The following JPH3 variants were observed in gnomAD, a reference collection of about 807,000 sequenced individuals.
JPH3 encodes junctophilin 3, also known as junctophilin-3.
JPH3 carries 11 observed loss-of-function variants against 59.6 expected under a neutral mutation model. The observed-to-expected ratio is 0.18, with a 90% CI of 0.12 to 0.31. JPH3 has a LOEUF of 0.31. Ranked by LOEUF, JPH3 falls within the 10% of genes least tolerant of loss-of-function variation. JPH3 has a pLI of 1.00. For missense variants in JPH3, 1,202 were observed against 1,105.7 expected (o/e 1.09, Z -1.24); for synonymous variants, 673 against 483.6 (o/e 1.39, Z -5.14).
At chr16:87,646,556 T>G (rs2032158110) in intron 2 of JPH3, among the ~76,000 whole-genome samples, 1 of 152,244 alleles carries the variant, frequency 6.6e-6, no homozygotes, top group Non-Finnish European at 1.5e-5. Flanking sequence ...TAAATAACAC[T>G]GAGAAGGGAG....
At chr16:87,638,309 C>G (rs375902864) in intron 1 of JPH3, among the ~76,000 whole-genome samples, 6 of 152,146 alleles carry the variant, frequency 3.9e-5, no homozygotes, top group African/African-American at 1.2e-4. Flanking sequence ...ATTCTCCTGT[C>G]TCAGCTGTGT....
At chr16:87,607,899 C>T (rs540853167) in intron 1 of JPH3, among the ~76,000 whole-genome samples, 47 of 152,316 alleles carry the variant, frequency 3.1e-4, no homozygotes, top group African/African-American at 1.0e-3. Context: ...TCCGCTACTT[C>T]GGGGGGCGGG....
At chr16:87,652,280 G>C (rs1262315059) in intron 2 of JPH3, among the ~76,000 whole-genome samples, 1 of 152,186 alleles carries the variant, frequency 6.6e-6, no homozygotes, top group African/African-American at 2.4e-5. Flanking sequence ...CAGCCTGTTA[G>C]AAGTTGCCGC....
chr16:87,660,904 A>C (rs947078082), intron 2 of JPH3, among the ~76,000 whole-genome samples: 1 of 152,206 alleles, frequency 6.6e-6, no homozygotes, highest in Non-Finnish European at 1.5e-5. Context: ...CAGTTTTCTC[A>C]TCTGTCCAGT....
Position 87,603,467 on chromosome 16 carries a change from C to T in JPH3, c.321C>T (p.Tyr107=). The change falls in exon 1 of 5, where the codon TAC becomes TAT. Residue 107 remains tyrosine, a synonymous_variant. Transcript: ENST00000284262. ...AGTGCGCGGGCAACGGGGCCAAATA[C>T]GAAGGGACCTGGAGCAACGGGCTGC... ...VRECAGNGAK[Y]EGTWSNGLQD... is the part of the protein sequence containing the mutation. 1 of 1,559,936 alleles carries T rather than the reference C, an allele frequency of 6.4e-7. No homozygotes were observed. Among genetic ancestry groups the T allele is most frequent in the Non-Finnish European group, 8.7e-7 (1 of 1,152,694 alleles).
intron 2 of JPH3, among the ~76,000 whole-genome samples, chr16:87,677,661 G>A (rs183227309): frequency 3.3e-5 from 5 of 152,166 alleles, no homozygotes; most frequent in African/African-American, 1.2e-4. Context: ...GCCAGCTGAC[G>A]GTGCTGTCCA....
chr16:87,673,895 C>T (rs928856774), intron 2 of JPH3, among the ~76,000 whole-genome samples: 1 of 151,496 alleles, frequency 6.6e-6, no homozygotes, highest in Non-Finnish European at 1.5e-5. Context: ...CACTGTACTC[C>T]AGTCTGGGTG....
chr16:87,681,002 T>G (rs2033274951), intron 2 of JPH3, among the ~76,000 whole-genome samples: 1 of 152,178 alleles, frequency 6.6e-6, no homozygotes, highest in Non-Finnish European at 1.5e-5. Flanking sequence ...GGTCGAGGTC[T>G]GAACAGCCGG....
chr16:87,640,160 C>G (rs887825154), intron 1 of JPH3, among the ~76,000 whole-genome samples: 1 of 151,972 alleles, frequency 6.6e-6, no homozygotes, highest in Non-Finnish European at 1.5e-5. Context: ...AACCCTGTCT[C>G]TACTAAAAAC....
intron 4 of JPH3, among the ~76,000 whole-genome samples, chr16:87,692,077 C>T (rs1342854973): frequency 6.6e-6 from 1 of 152,162 alleles, no homozygotes; most frequent in African/African-American, 2.4e-5. Context: ...CGGTCTCCAG[C>T]TGGGGCTAAT....
intron 2 of JPH3, among the ~76,000 whole-genome samples, chr16:87,669,679 AGGGCCGCCT>A (rs937787684): frequency 6.6e-6 from 1 of 152,140 alleles, no homozygotes; most frequent in Non-Finnish European, 1.5e-5. Context: ...GGACAGTGTG[AGGGCCGCCT>A]GGTCAGAGCG....
intron 2 of JPH3, among the ~76,000 whole-genome samples, chr16:87,670,909 T>C (rs1175089919): frequency 2.0e-5 from 3 of 152,098 alleles, no homozygotes; most frequent in Non-Finnish European, 4.4e-5. Context: ...AGAAGTGACA[T>C]TTGGTCAGAG....
At chr16:87,679,765 G>A (rs1343428645) in intron 2 of JPH3, among the ~76,000 whole-genome samples, 1 of 152,222 alleles carries the variant, frequency 6.6e-6, no homozygotes, top group Non-Finnish European at 1.5e-5. Context: ...GGGAGGCCCG[G>A]CCGTGTCCTC....
At chr16:87,646,086 C>T (rs1223639886) in intron 2 of JPH3, among the ~76,000 whole-genome samples, 51 of 152,154 alleles carry the variant, frequency 3.4e-4, no homozygotes, top group Non-Finnish European at 1.5e-4. Context: ...GGAGGCTTCC[C>T]AGGGCACGTT....
chr16:87,696,245 G>A lies in JPH3; in HGVS notation c.2167-335G>A, dbSNP rs183637965. The A allele has an allele frequency of 1.5e-3, 664 of 446,342 alleles. 2 individuals are homozygous for A. Among genetic ancestry groups the A allele is most frequent in the Non-Finnish European group, 2.4e-3 (558 of 236,966 alleles). 27.6% of individuals were successfully genotyped at this position (446,342 alleles called of 1,614,324 possible). A position where few individuals can be genotyped will look rare whatever the true frequency, so the allele number is the denominator to read the frequency against. ...GACTGGCACAAAGGCCACACGCACC[G>A]AGACGTTTGCTTGCAGGGAGGCCTG... On this transcript the variant is annotated intron_variant, in intron 4 of 4. Coordinates refer to ENST00000284262, the MANE Select transcript of JPH3 (RefSeq NM_020655.4).
At chr16:87,645,774 T>A (rs1438347381) in intron 2 of JPH3, among the ~76,000 whole-genome samples, 1 of 151,110 alleles carries the variant, frequency 6.6e-6, no homozygotes, top group Non-Finnish European at 1.5e-5. Context: ...CCTGTGGAGG[T>A]GAGTGTGTGA....
At chr16:87,655,397 G>A (rs564519027) in intron 2 of JPH3, among the ~76,000 whole-genome samples, 46 of 152,208 alleles carry the variant, frequency 3.0e-4, no homozygotes, top group Non-Finnish European at 5.6e-4. Flanking sequence ...TCTGTCCCCC[G>A]GGCTGGAGTG....
intron 1 of JPH3, among the ~76,000 whole-genome samples, chr16:87,628,795 G>A (rs2031467819): frequency 6.6e-6 from 1 of 152,140 alleles, no homozygotes; most frequent in Non-Finnish European, 1.5e-5. Context: ...CCTGGGTGAG[G>A]TCGGGGTAAG....
chr16:87,644,748 G>C lies in JPH3; in HGVS notation c.873G>C (p.Glu291Asp). 2 of 1,613,206 alleles carry C rather than the reference G, an allele frequency of 1.2e-6. No individual in the cohort carries two copies. Among genetic ancestry groups the C allele is most frequent in the Non-Finnish European group, 1.7e-6 (2 of 1,179,910 alleles). ...DATTTETYVG[E>D]WKNDKRSGFG... ...CCACCACCGAGACCTACGTGGGCGA[G>C]TGGAAGAACGACAAACGCTCCGGCT... Residue 291 changes from glutamate (E) to aspartate (D), a missense_variant, in exon 2 of 5, where the codon GAG (glutamate) becomes GAC (aspartate). Coordinates refer to ENST00000284262, the MANE Select transcript of JPH3 (RefSeq NM_020655.4).
Sources: gnomAD v4.1 joint callset for allele counts (sites outside exome capture counted in the v4.1 genomes callset) on GRCh38, gnomAD v4.1.1 for gene constraint, MANE v1.5 for transcripts, NCBI Gene and HGNC (gene_info 2026-07-23, HGNC 2026-07-21) for gene names.